Variants in SPECC1 observed in about 807,000 individuals in gnomAD.
SPECC1 encodes the protein sperm antigen with calponin homology and coiled-coil domains 1.
SPECC1 carries 62 observed loss-of-function variants against 104.1 expected under a neutral mutation model. The observed-to-expected ratio is 0.60, with a 90% CI of 0.49 to 0.74. The LOEUF is 0.74. Ranked by LOEUF, SPECC1 falls within the 30% of genes least tolerant of loss-of-function variation. The pLI is 0.00. For synonymous variants in SPECC1, 513 were observed against 501.6 expected (o/e 1.02, Z -0.30); for missense variants, 1,306 against 1,310.5 (o/e 1.00, Z 0.05).
At chr17:20,260,571 T>C (rs1228738288) in intron 12 of SPECC1, among the ~76,000 whole-genome samples, 1 of 152,222 alleles carries the variant, frequency 6.6e-6, no homozygotes, top group Non-Finnish European at 1.5e-5. Context: ...GGGACCTTTT[T>C]CTTTGGTCAG....
intron 3 of SPECC1, among the ~76,000 whole-genome samples, chr17:20,130,973 A>G (rs1397810581): frequency 1.3e-5 from 2 of 152,062 alleles, no homozygotes; most frequent in Admixed American, 6.5e-5. Context: ...TTTATTTTTT[A>G]TTTTTGAGGA....
chr17:20,010,661 T>G (rs1197715534), intron 1 of SPECC1, among the ~76,000 whole-genome samples: 1 of 152,234 alleles, frequency 6.6e-6, no homozygotes, highest in East Asian at 1.9e-4. Context: ...AAGTAGGTGA[T>G]CTTATTGTCT....
At chr17:20,164,925 A>G (rs2033512741) in intron 3 of SPECC1, among the ~76,000 whole-genome samples, 2 of 152,208 alleles carry the variant, frequency 1.3e-5, no homozygotes, top group Admixed American at 6.5e-5. Flanking sequence ...ATATTTTCCC[A>G]TTTAACTCCA....
At chr17:20,282,781 C>T (rs889876135) in intron 12 of SPECC1, among the ~76,000 whole-genome samples, 1 of 152,096 alleles carries the variant, frequency 6.6e-6, no homozygotes, top group Non-Finnish European at 1.5e-5. Flanking sequence ...CTGACTTGAA[C>T]GGGTTGAGGA....
At chr17:20,242,285 T>G (rs1311146039) in intron 7 of SPECC1, among the ~76,000 whole-genome samples, 1 of 152,122 alleles carries the variant, frequency 6.6e-6, no homozygotes, top group African/African-American at 2.4e-5. Flanking sequence ...AAGCAGCAAA[T>G]TAGAGAGGTT....
chr17:20,222,365 G>T (rs1483784380), intron 4 of SPECC1, among the ~76,000 whole-genome samples: 1 of 152,160 alleles, frequency 6.6e-6, no homozygotes, highest in Non-Finnish European at 1.5e-5. Flanking sequence ...TTATTTTGTG[G>T]CCTAACATGT....
chr17:20,060,703 T>C (rs1051904330), intron 1 of SPECC1, among the ~76,000 whole-genome samples: 15 of 152,234 alleles, frequency 9.9e-5, no homozygotes, highest in African/African-American at 3.6e-4. Flanking sequence ...TTCCAGTCAA[T>C]AGTGAGCCTC....
chr17:20,026,191 C>CT (rs983620636), intron 1 of SPECC1, among the ~76,000 whole-genome samples: 2 of 149,970 alleles, frequency 1.3e-5, no homozygotes, highest in East Asian at 1.9e-4. Context: ...CTTTTTTTTC[C>CT]TTTTTTTGTT....
At chr17:20,215,756 T>C (rs1044929101) in intron 4 of SPECC1, among the ~76,000 whole-genome samples, 1 of 152,246 alleles carries the variant, frequency 6.6e-6, no homozygotes, top group African/African-American at 2.4e-5. Flanking sequence ...CTGTTTTCTT[T>C]GTTCTTTATA....
intron 4 of SPECC1, among the ~76,000 whole-genome samples, chr17:20,206,765 A>G (rs2036810794): frequency 6.6e-6 from 1 of 152,220 alleles, no homozygotes; most frequent in Non-Finnish European, 1.5e-5. Context: ...GACTTTCAAC[A>G]CATTCAGCCA....
At chr17:20,089,237 C>T (rs537440165) in intron 1 of SPECC1, among the ~76,000 whole-genome samples, 3 of 152,250 alleles carry the variant, frequency 2.0e-5, no homozygotes, top group South Asian at 4.1e-4. Context: ...CAGCAGCTAC[C>T]TCACAGGGTA....
intron 1 of SPECC1, among the ~76,000 whole-genome samples, chr17:20,068,197 G>T (rs1199676472): frequency 6.6e-6 from 1 of 152,186 alleles, no homozygotes; most frequent in Non-Finnish European, 1.5e-5. Context: ...CTGGGCTCAA[G>T]TGACCTGCCT....
chr17:20,312,293 A>C (rs1001534756), intron 14 of SPECC1, among the ~76,000 whole-genome samples: 12 of 152,216 alleles, frequency 7.9e-5, no homozygotes, highest in Non-Finnish European at 5.9e-5. Flanking sequence ...ATGCACTATA[A>C]GATTGTTACT....
chr17:20,205,018 T>C lies in SPECC1; in HGVS notation c.969T>C (p.Ser323=). ...GSSSSDVTKA[S]LSPDASDFEH... ...CAAGTAGCGATGTTACCAAAGCTTC[T>C]TTGTCGCCAGATGCTTCCGACTTTG... is the stretch of plus-strand genomic sequence containing the variant. The change falls in exon 4 of 15, where the codon TCT becomes TCC. Residue 323 remains serine, a synonymous_variant. Transcript: ENST00000395527. The C allele has an allele frequency of 6.2e-7, 1 of 1,614,114 alleles. No homozygotes were observed. The highest frequency in any genetic ancestry group is 8.5e-7 in the Non-Finnish European group (1 of 1,179,994).
At chr17:20,138,873 C>T (rs2030379864) in intron 3 of SPECC1, among the ~76,000 whole-genome samples, 1 of 152,148 alleles carries the variant, frequency 6.6e-6, no homozygotes, top group Admixed American at 6.5e-5. Context: ...TTTTTCTCCC[C>T]AAGTTACCAT....
At chr17:20,285,010 A>T (rs2040893350) in intron 12 of SPECC1, among the ~76,000 whole-genome samples, 2 of 152,230 alleles carry the variant, frequency 1.3e-5, no homozygotes, top group Non-Finnish European at 2.9e-5. Context: ...GTAAAGAAGT[A>T]CTGGGAATGC....
chr17:20,177,060 A>G (rs950390728), intron 3 of SPECC1, among the ~76,000 whole-genome samples: 5 of 152,192 alleles, frequency 3.3e-5, no homozygotes, highest in Non-Finnish European at 7.3e-5. Context: ...GACATTGGGA[A>G]AAGTTTGATA....
At position 20,192,813 on chromosome 17, in the gene SPECC1, TTTG is replaced by T. The variant is rs538879926; in HGVS notation, c.284-11517_284-11515del. Among the ~76,000 whole-genome samples the T allele has an allele frequency of 8.5e-5, 13 of 152,330 alleles. No individual in the cohort carries two copies. In the South Asian group the frequency reaches 2.7e-3, roughly 32 times the overall value. On this transcript the variant is annotated intron_variant, in intron 3 of 14. Coordinates refer to ENST00000395527, the MANE Select transcript of SPECC1 (RefSeq NM_001243439.2). The stretch of plus-strand genomic sequence containing the variant: ...GCAGAGTGAAGTTATGTGCTGTGAT[TTTG>T]TTATCTGTCTTATACAGCTTATTTT...
At chr17:20,177,110 G>T (rs937359752) in intron 3 of SPECC1, among the ~76,000 whole-genome samples, 68 of 152,300 alleles carry the variant, frequency 4.5e-4, no homozygotes, top group African/African-American at 1.6e-3. Flanking sequence ...GGATGAAGAG[G>T]CCAGGGAAGT....
Sources: gnomAD v4.1 joint callset for allele counts (sites outside exome capture counted in the v4.1 genomes callset) on GRCh38, gnomAD v4.1.1 for gene constraint, MANE v1.5 for transcripts, NCBI Gene and HGNC (gene_info 2026-07-23, HGNC 2026-07-21) for gene names.